Variants in ZNF816 observed in about 807,000 individuals in gnomAD.
The protein encoded by ZNF816 is zinc finger protein 816.
In ZNF816, 11 loss-of-function variants were observed where a neutral mutation model predicts 8.3. That is an observed-to-expected ratio of 1.32 (90% CI 0.83 to 2.19). The LOEUF is 2.19. Ranked by LOEUF, ZNF816 falls within the 30% of genes most tolerant of loss-of-function variation. The pLI, the probability that ZNF816 is intolerant of heterozygous loss-of-function variation, is 0.00. For synonymous variants in ZNF816, 255 were observed against 254.5 expected, an observed-to-expected ratio of 1.00 and a Z score of -0.02; for missense variants, 710 against 779.3, an observed-to-expected ratio of 0.91 and a Z score of 1.06.
rs1257623512 is a variant in ZNF816, at chr19:52,950,444, T to C, written c.1331A>G (p.Gln444Arg). 6.2e-7 allele frequency: 1 copy of C among 1,612,666 alleles called. No homozygotes were observed. The highest frequency in any genetic ancestry group is 8.5e-7 in the Non-Finnish European group (1 of 1,179,696). The change falls in exon 4 of 4, where the codon CAG (glutamine) becomes CGG (arginine). Residue 444 changes from glutamine (Q) to arginine (R), a missense_variant. Transcript: ENST00000444460. Reference sequence around the variant, plus strand: ...TGGTTTCTCTCCAGTATGAACTCTCTGATGTTCTGCAAGGTATGAATCACT... The same window carrying C: ...TGGTTTCTCTCCAGTATGAACTCTCCGATGTTCTGCAAGGTATGAATCACT... The part of the protein sequence containing the change: ...FRSDSYLAEH[Q>R]RVHTGEKPYK...
chr19:52,954,154 C>T (rs184919080), intron 2 of ZNF816, among the ~76,000 whole-genome samples: 170 of 151,326 alleles, frequency 1.1e-3, no homozygotes, highest in African/African-American at 3.9e-3. Flanking sequence ...TTGGGAGGCT[C>T]AGGCAGGTGG....
chr19:52,952,474 T>C, intron 3 of ZNF816: 1 of 519,656 alleles, frequency 1.9e-6, no homozygotes, highest in Non-Finnish European at 3.3e-6. Context: ...CTGACCATTC[T>C]GCTCAGGGCT....
In ZNF816 at chr19:52,951,132, A is replaced by C. The variant is rs762193240; in HGVS notation, c.643T>G (p.Ser215Ala). The C allele has an allele frequency of 5.6e-6, 9 of 1,613,962 alleles. No individual in the cohort carries two copies. The East Asian group carries it at 1.8e-4, about 32-fold the overall frequency. The stretch of plus-strand genomic sequence containing the variant: ...CATATTTCCTGTATTTGTGTGAATG[A>C]AGAATGGAGGAAATTCTTCCCATAC... ...NKYGKNFLHS[S>A]FTQIQEICMR... is the part of the protein sequence containing the mutation. Residue 215 changes from serine to alanine, a missense_variant, in exon 4 of 4, where the codon TCA (serine) becomes GCA (alanine). Transcript: ENST00000444460.
At chr19:52,958,874 C>T (rs59867662) in intron 1 of ZNF816, among the ~76,000 whole-genome samples, 2,303 of 152,290 alleles carry the variant, frequency 0.015, 65 homozygotes, top group African/African-American at 0.052. Flanking sequence ...CACAAAGGGG[C>T]AGGACCAGGA....
chr19:52,953,501 TTTAA>T (rs1400852697), intron 2 of ZNF816: 15 of 94,580 alleles, frequency 1.6e-4, no homozygotes, highest in Non-Finnish European at 2.4e-4. Flanking sequence ...TATTTTAATA[TTTAA>T]TTATATATAA....
At position 52,950,179 on chromosome 19, in the gene ZNF816, A is replaced by C; in HGVS notation, c.1596T>G (p.Thr532=). ...SHLERHRRIH[T]GEKPYKCKVC... ...CCTTACATTTGTATGGTTTTTCCCC[A>C]GTATGAATTCTCCTATGTCTTTCAA... The change falls in exon 4 of 4, where the codon ACT becomes ACG. Residue 532 remains threonine, a synonymous_variant. Coordinates refer to ENST00000444460, the MANE Select transcript of ZNF816 (RefSeq NM_001202457.3). 1 of 1,614,044 alleles carries C rather than the reference A, an allele frequency of 6.2e-7. No homozygotes were observed. Among genetic ancestry groups the C allele is most frequent in the South Asian group, 1.1e-5 (1 of 91,068 alleles).
Position 52,950,337 on chromosome 19 carries a change from G to A in ZNF816, c.1438C>T (p.Pro480Ser). The change falls in exon 4 of 4, where the codon CCT (proline) becomes TCT (serine). Residue 480 changes from proline (P) to serine (S), a missense_variant. Transcript: ENST00000444460. ...YHHTLHTGEK[P>S]YTCNECGKVF... Reference sequence around the variant, plus strand: ...TTGCCACATTCATTACATGTGTAAGGTTTCTCTCCAGTGTGAAGTGTATGA... The same window carrying A: ...TTGCCACATTCATTACATGTGTAAGATTTCTCTCCAGTGTGAAGTGTATGA... 1.2e-6 allele frequency: 2 copies of A among 1,613,848 alleles called. No homozygotes were observed. The highest frequency in any genetic ancestry group is 1.7e-6 in the Non-Finnish European group (2 of 1,179,972).
At chr19:52,953,506 TTA>T (rs1491387878) in intron 2 of ZNF816, 1,287 of 97,834 alleles carry the variant, frequency 0.013, 36 homozygotes, top group African/African-American at 0.086. Flanking sequence ...TAATATTTAA[TTA>T]TATATAATAT....
At chr19:52,962,623 T>A (rs2083567375) in intron 1 of ZNF816, 104 bp downstream of exon 1, 1 of 152,118 alleles carries the variant, frequency 6.6e-6, no homozygotes, top group South Asian at 2.1e-4. Context: ...AAGGAAAGTT[T>A]CGCGACAGGA....
chr19:52,952,189 TG>T lies in ZNF816; in HGVS notation c.190+561del, dbSNP rs113215002. On this transcript the variant is annotated intron_variant, in intron 3 of 3. Coordinates refer to ENST00000444460, the MANE Select transcript of ZNF816 (RefSeq NM_001202457.3). The stretch of plus-strand genomic sequence containing the variant: ...TTCAAGACCAACTTGGCCAACATGG[TG>T]ATACCCTATGTCTAATAAAAATATG... 8.1e-3 allele frequency among the ~76,000 whole-genome samples: 1,235 copies of T among 152,148 alleles called. 16 individuals carry two copies. Among genetic ancestry groups the T allele is most frequent in the African/African-American group, 0.027 (1,132 of 41,512 alleles).
Position 52,949,390 on chromosome 19 carries a change from T to C in ZNF816, c.*429A>G, listed in dbSNP as rs918595726. ...AACTCTAATGTCAATTAAAGTTTTA[T>C]GATTTTTTATATTCATTTTATTTGG... On this transcript the variant is annotated 3_prime_UTR_variant, in exon 4 of 4. Transcript: ENST00000444460. The C allele has an allele frequency of 6.3e-5, 19 of 299,488 alleles. No homozygotes were observed. The highest frequency in any genetic ancestry group is 4.9e-4 in the Admixed American group (11 of 22,612). 18.6% of individuals were successfully genotyped at this position (299,488 alleles called of 1,614,324 possible).
intron 2 of ZNF816, chr19:52,953,376 GAGT>G (rs1300984974): frequency 1.9e-5 from 4 of 212,794 alleles, no homozygotes; most frequent in Non-Finnish European, 2.9e-5. Flanking sequence ...TTGGGCTGCA[GAGT>G]AGGACTCCAT....
intron 1 of ZNF816, among the ~76,000 whole-genome samples, chr19:52,958,681 A>C (rs550405977): frequency 6.6e-6 from 1 of 152,210 alleles, no homozygotes; most frequent in Non-Finnish European, 1.5e-5. Context: ...GACAGCAGGT[A>C]CATTACCTAG....
Position 52,958,576 on chromosome 19 carries a change from C to A in ZNF816, c.-15-2472G>T, listed in dbSNP as rs8109624. Among the ~76,000 whole-genome samples, 195 of 152,282 alleles carry A rather than the reference C, an allele frequency of 1.3e-3. 1 individual carries two copies. The highest frequency in any genetic ancestry group is 4.4e-3 in the African/African-American group (182 of 41,556). On this transcript the variant is annotated intron_variant, in intron 1 of 3. Transcript: ENST00000444460. ...TTGATGACCTTCTGTTAGGACACCCCATGGCAGTTGAGTGTGCCAAGGGAA... is the reference window on the plus strand; with the variant it reads ...TTGATGACCTTCTGTTAGGACACCCAATGGCAGTTGAGTGTGCCAAGGGAA...
rs115367586 is a variant in ZNF816 at position 52,955,913 on chromosome 19, T to C, written c.63+114A>G. 3.3e-3 allele frequency: 4,464 copies of C among 1,355,290 alleles called. 127 individuals are homozygous for C. The African/African-American group carries it at 0.058, about 18-fold the overall frequency. 84.0% of individuals were successfully genotyped at this position (1,355,290 alleles called of 1,614,324 possible). A position where few individuals can be genotyped will look rare whatever the true frequency, so the allele number is the denominator to read the frequency against. On this transcript the variant is annotated intron_variant, in intron 2 of 3. Coordinates refer to ENST00000444460, the MANE Select transcript of ZNF816 (RefSeq NM_001202457.3). ...GGGACTGAGAAAAGACACGGGTGAG[T>C]GCGAGCAAACGTGTGATGTAGAATG... is the stretch of plus-strand genomic sequence containing the variant.
intron 2 of ZNF816, among the ~76,000 whole-genome samples, chr19:52,954,873 A>G (rs906339980): frequency 2.6e-5 from 4 of 151,512 alleles, no homozygotes; most frequent in Non-Finnish European, 5.9e-5. Context: ...TCATAACGGT[A>G]TATGAATACA....
intron 2 of ZNF816, among the ~76,000 whole-genome samples, chr19:52,953,619 T>TATATA (rs770613804): frequency 0.04 from 5,529 of 136,978 alleles, 152 homozygotes; most frequent in Middle Eastern, 0.088. Flanking sequence ...ATTTATAAAA[T>TATATA]ATATATGATA....
At chr19:52,955,920 A>T (rs1271069675) in intron 2 of ZNF816, 107 bp downstream of exon 2, 1 of 1,420,672 alleles carries the variant, frequency 7.0e-7, no homozygotes, top group African/African-American at 1.4e-5. Context: ...GAGTGCGAGC[A>T]AACGTGTGAT....
chr19:52,956,143 C>A (rs1291105030), intron 1 of ZNF816, 39 bp from the exon 2 acceptor site: 1 of 1,582,320 alleles, frequency 6.3e-7, no homozygotes, highest in African/African-American at 1.4e-5. Context: ...TATTTAGAAA[C>A]CATTGACTCC....
Sources: gnomAD v4.1 joint callset for allele counts (sites outside exome capture counted in the v4.1 genomes callset) on GRCh38, gnomAD v4.1.1 for gene constraint, MANE v1.5 for transcripts, NCBI Gene and HGNC (gene_info 2026-07-23, HGNC 2026-07-21) for gene names.